Variants in GRID2 observed in about 807,000 individuals in gnomAD.
GRID2 encodes glutamate receptor ionotropic, delta-2.
In GRID2, 33 loss-of-function variants were observed where a neutral mutation model predicts 114.8. The ratio of observed to expected loss-of-function variants is 0.29; its 90% CI spans 0.22 to 0.38. The LOEUF (loss-of-function observed/expected upper bound fraction) is 0.38. Ranked by LOEUF, GRID2 falls within the 10% of genes least tolerant of loss-of-function variation. GRID2 has a pLI of 1.00. For missense variants in GRID2, 1,184 were observed against 1,257.7 expected, an observed-to-expected ratio of 0.94 and a Z score of 0.89; for synonymous variants, 505 against 449.9, an observed-to-expected ratio of 1.12 and a Z score of -1.55.
At chr4:93,518,651 TAGG>T (rs1730040587) in intron 13 of GRID2, among the ~76,000 whole-genome samples, 1 of 151,988 alleles carries the variant, frequency 6.6e-6, no homozygotes. Flanking sequence ...AAAAATAAAG[TAGG>T]AGAAGAGGAT....
At chr4:93,246,387 A>T (rs1375236415) in intron 8 of GRID2, among the ~76,000 whole-genome samples, 1 of 152,080 alleles carries the variant, frequency 6.6e-6, no homozygotes, top group African/African-American at 2.4e-5. Flanking sequence ...GGAGATCGAG[A>T]TCATCCTGGC....
At chr4:93,084,359 T>A (rs1479082280) in intron 2 of GRID2, among the ~76,000 whole-genome samples, 1 of 152,174 alleles carries the variant, frequency 6.6e-6, no homozygotes, top group Non-Finnish European at 1.5e-5. Context: ...CTGGCTACAA[T>A]GTAGTATTTG....
In GRID2 at chr4:93,317,986, A is replaced by AATATATATATATATATATATATATAT. The variant is rs58755199; in HGVS notation, c.1246-77610_1246-77585dup. 2.1e-3 allele frequency among the ~76,000 whole-genome samples: 209 copies of AATATATATATATATATATATATATAT among 100,864 alleles called. 8 individuals are homozygous for AATATATATATATATATATATATATAT. Among genetic ancestry groups the AATATATATATATATATATATATATAT allele is most frequent in the Non-Finnish European group, 2.9e-3 (136 of 47,652 alleles). 66.2% of individuals were successfully genotyped at this position (100,864 alleles called of 152,430 possible). On this transcript the variant is annotated intron_variant, in intron 8 of 15. Coordinates refer to ENST00000282020, the MANE Select transcript of GRID2 (RefSeq NM_001510.4). The stretch of plus-strand genomic sequence containing the variant: ...GTTTTATCTTTCCCTTTAAAAGTGA[A>AATATATATATATATATATATATATAT]ATATATATATATATATATATATATA...
chr4:92,755,296 G>A (rs1048754306), intron 2 of GRID2, among the ~76,000 whole-genome samples: 2 of 152,128 alleles, frequency 1.3e-5, no homozygotes, highest in African/African-American at 4.8e-5. Context: ...GGCAGGTACT[G>A]CTCTTAGCAC....
At chr4:92,638,840 T>C (rs1357848009) in intron 2 of GRID2, among the ~76,000 whole-genome samples, 1 of 151,140 alleles carries the variant, frequency 6.6e-6, no homozygotes, top group Non-Finnish European at 1.5e-5. Flanking sequence ...ATATCTAATA[T>C]CCAAATTCTC....
At chr4:93,185,562 G>A (rs1740322111) in intron 4 of GRID2, among the ~76,000 whole-genome samples, 1 of 151,858 alleles carries the variant, frequency 6.6e-6, no homozygotes, top group Admixed American at 6.6e-5. Flanking sequence ...ATGAAGTATG[G>A]TACTTTGTAT....
chr4:92,369,493 C>T (rs28456034), intron 1 of GRID2, among the ~76,000 whole-genome samples: 2,134 of 152,234 alleles, frequency 0.014, 58 homozygotes, highest in African/African-American at 0.049. Context: ...TGCTTGTTTA[C>T]AAGGCTGATT....
intron 13 of GRID2, among the ~76,000 whole-genome samples, chr4:93,610,998 TA>T (rs1254175817): frequency 7.6e-6 from 1 of 131,776 alleles, no homozygotes; most frequent in Non-Finnish European, 1.6e-5. Flanking sequence ...CAGAGCCTGT[TA>T]TTGGTCTATT....
chr4:93,160,292 T>G (rs1737571097), intron 4 of GRID2, among the ~76,000 whole-genome samples: 2 of 151,766 alleles, frequency 1.3e-5, no homozygotes, highest in Non-Finnish European at 2.9e-5. Flanking sequence ...GATAAGGTAA[T>G]ATCATTGAAT....
At chr4:92,633,439 A>G (rs1730911284) in intron 2 of GRID2, among the ~76,000 whole-genome samples, 1 of 152,152 alleles carries the variant, frequency 6.6e-6, no homozygotes. Context: ...GAGAGGTTGG[A>G]AGGGAGAAGA....
At chr4:93,205,839 T>G (rs549701867) in intron 4 of GRID2, among the ~76,000 whole-genome samples, 97 of 152,244 alleles carry the variant, frequency 6.4e-4, no homozygotes, top group African/African-American at 2.2e-3. Context: ...GACTTTTTAA[T>G]GATCGCCATT....
intron 1 of GRID2, among the ~76,000 whole-genome samples, chr4:92,483,067 C>T (rs746537497): frequency 3.9e-5 from 6 of 152,094 alleles, no homozygotes; most frequent in Non-Finnish European, 8.8e-5. Context: ...TGGCTGGGCG[C>T]AGTGGCTCAC....
At chr4:93,278,964 C>T (rs1752365219) in intron 8 of GRID2, among the ~76,000 whole-genome samples, 1 of 151,748 alleles carries the variant, frequency 6.6e-6, no homozygotes, top group South Asian at 2.1e-4. Context: ...CTCTCCTCTC[C>T]TCTCCTCCCT....
intron 2 of GRID2, among the ~76,000 whole-genome samples, chr4:92,827,768 C>T (rs1025660342): frequency 1.3e-5 from 2 of 151,930 alleles, no homozygotes; most frequent in Non-Finnish European, 2.9e-5. Flanking sequence ...GATATAAGCA[C>T]TTTCCTTTTA....
intron 2 of GRID2, among the ~76,000 whole-genome samples, chr4:92,868,183 A>C (rs982163966): frequency 6.6e-6 from 1 of 151,920 alleles, no homozygotes; most frequent in Non-Finnish European, 1.5e-5. Context: ...TAAACTTTGA[A>C]TATATTAAGA....
intron 3 of GRID2, among the ~76,000 whole-genome samples, chr4:93,104,657 A>G (rs1032906727): frequency 6.6e-6 from 1 of 152,178 alleles, no homozygotes; most frequent in African/African-American, 2.4e-5. Context: ...TTATGGCTGC[A>G]TAGTATTCCG....
intron 10 of GRID2, among the ~76,000 whole-genome samples, chr4:93,424,363 C>G (rs1768632672): frequency 6.6e-6 from 1 of 152,074 alleles, no homozygotes; most frequent in Non-Finnish European, 1.5e-5. Context: ...AAGTGCAGGG[C>G]TACGTAGGTA....
At chr4:93,759,793 G>A (rs1441793382) in intron 14 of GRID2, among the ~76,000 whole-genome samples, 4 of 152,192 alleles carry the variant, frequency 2.6e-5, no homozygotes, top group Non-Finnish European at 5.9e-5. Context: ...CATACAAAGT[G>A]TAATGTTTGT....
At chr4:93,635,999 G>A (rs181293205) in intron 14 of GRID2, among the ~76,000 whole-genome samples, 4 of 152,190 alleles carry the variant, frequency 2.6e-5, no homozygotes, top group Admixed American at 2.6e-4. Context: ...AACCCCATGG[G>A]GTAGATTTTT....
Sources: allele counts gnomAD v4.1 joint callset (sites outside exome capture counted in the v4.1 genomes callset), GRCh38; gene constraint gnomAD v4.1.1; transcripts MANE v1.5; gene names NCBI Gene and HGNC (gene_info 2026-07-23, HGNC 2026-07-21).